The following HCN1 variants were observed in gnomAD, a reference collection of about 807,000 sequenced individuals.
The protein encoded by HCN1 is potassium/sodium hyperpolarization-activated cyclic nucleotide-gated channel 1.
HCN1 carries 13 observed loss-of-function variants against 78.9 expected under a neutral mutation model. That is an observed-to-expected ratio of 0.16 (90% confidence interval 0.11 to 0.26). The LOEUF (loss-of-function observed/expected upper bound fraction) is 0.26, where lower values mean the gene tolerates loss of function less well. HCN1 is among the 10% of genes least tolerant of loss of function. The pLI, the probability that HCN1 is intolerant of heterozygous loss-of-function variation, is 1.00. For missense variants in HCN1, 810 were observed against 1,154.3 expected, an observed-to-expected ratio of 0.70 and a Z score of 4.32; for synonymous variants, 552 against 455.5, an observed-to-expected ratio of 1.21 and a Z score of -2.70.
chr5:45,372,923 C>A (rs889875917), intron 4 of HCN1, among the ~76,000 whole-genome samples: 2 of 133,828 alleles, frequency 1.5e-5, no homozygotes, highest in Admixed American at 8.0e-5. Flanking sequence ...AAAATATACA[C>A]GTATTTTATA....
At chr5:45,651,560 A>T (rs928167567) in intron 1 of HCN1, among the ~76,000 whole-genome samples, 1 of 152,020 alleles carries the variant, frequency 6.6e-6, no homozygotes, top group Non-Finnish European at 1.5e-5. Flanking sequence ...AGTCCTCAAA[A>T]TCATGTCCCA....
At chr5:45,566,998 G>A (rs1743721024) in intron 2 of HCN1, among the ~76,000 whole-genome samples, 1 of 152,148 alleles carries the variant, frequency 6.6e-6, no homozygotes, top group Non-Finnish European at 1.5e-5. Context: ...CCTTCCAGAG[G>A]AATTGAGTTG....
At chr5:45,506,442 C>G (rs1004531948) in intron 2 of HCN1, among the ~76,000 whole-genome samples, 1 of 152,070 alleles carries the variant, frequency 6.6e-6, no homozygotes, top group Non-Finnish European at 1.5e-5. Context: ...GTTACCTCAT[C>G]AAAATATTAA....
At chr5:45,590,998 ATTT>A (rs768861091) in intron 2 of HCN1, among the ~76,000 whole-genome samples, 1 of 145,152 alleles carries the variant, frequency 6.9e-6, no homozygotes, top group African/African-American at 2.5e-5. Context: ...TGACTGGCTA[ATTT>A]TTTTTTTTTT....
intron 2 of HCN1, among the ~76,000 whole-genome samples, chr5:45,514,629 A>T (rs546707632): frequency 6.6e-6 from 1 of 152,156 alleles, no homozygotes; most frequent in African/African-American, 2.4e-5. Context: ...CTGCTTGTTG[A>T]TCTGACCACA....
chr5:45,616,553 G>A (rs534412475), intron 2 of HCN1, among the ~76,000 whole-genome samples: 6 of 151,922 alleles, frequency 3.9e-5, no homozygotes, highest in African/African-American at 9.6e-5. Flanking sequence ...TTTTCTCAGC[G>A]TTTAAAGAAC....
intron 5 of HCN1, among the ~76,000 whole-genome samples, chr5:45,341,953 GCT>G (rs1369920047): frequency 3.9e-5 from 6 of 151,904 alleles, no homozygotes; most frequent in African/African-American, 1.2e-4. Context: ...TCTCAATTTG[GCT>G]CTGTTTGACT....
chr5:45,669,988 G>C (rs1039035015), intron 1 of HCN1, among the ~76,000 whole-genome samples: 11 of 151,608 alleles, frequency 7.3e-5, no homozygotes, highest in Non-Finnish European at 1.6e-4. Flanking sequence ...GTGTAAAGTT[G>C]TTTCCTCCTT....
At chr5:45,278,129 C>A (rs1745100465) in intron 6 of HCN1, among the ~76,000 whole-genome samples, 1 of 152,032 alleles carries the variant, frequency 6.6e-6, no homozygotes, top group African/African-American at 2.4e-5. Context: ...CCCTGAGTGC[C>A]TGACTCATAC....
intron 2 of HCN1, among the ~76,000 whole-genome samples, chr5:45,593,081 A>G (rs1355706878): frequency 1.3e-5 from 2 of 152,182 alleles, no homozygotes; most frequent in African/African-American, 4.8e-5. Flanking sequence ...GAAATTACAA[A>G]TCCCTTCCTC....
At chr5:45,314,379 G>C (rs1181842269) in intron 5 of HCN1, among the ~76,000 whole-genome samples, 1 of 151,886 alleles carries the variant, frequency 6.6e-6, no homozygotes, top group East Asian at 2.0e-4. Flanking sequence ...ACATGGAAAG[G>C]AACGACCGGT....
intron 2 of HCN1, among the ~76,000 whole-genome samples, chr5:45,535,691 A>G (rs1308121050): frequency 2.0e-5 from 3 of 152,142 alleles, no homozygotes; most frequent in Non-Finnish European, 2.9e-5. Flanking sequence ...CTCAGTGTTC[A>G]TTGTTCTGCA....
chr5:45,369,268 G>T (rs910915901), intron 4 of HCN1, among the ~76,000 whole-genome samples: 3 of 152,004 alleles, frequency 2.0e-5, no homozygotes, highest in Non-Finnish European at 4.4e-5. Flanking sequence ...GAATTTGTAT[G>T]TGTATGATTG....
rs182035217 is a variant in HCN1 at position 45,402,429 on chromosome 5, G to A, written c.1012-5719C>T. Among the ~76,000 whole-genome samples, 49 of 152,212 alleles carry A rather than the reference G, an allele frequency of 3.2e-4. No individual in the cohort carries two copies. The East Asian group carries it at 8.9e-3, about 28-fold the overall frequency. ...GTGCTATTAATATCTAAAGGGTAGA[G>A]GCCAGTGATGCTGTTAAAAATTCTG... On this transcript the variant is annotated intron_variant, in intron 3 of 7. Coordinates refer to ENST00000303230, the MANE Select transcript of HCN1 (RefSeq NM_021072.4).
At chr5:45,559,419 A>G (rs1743549786) in intron 2 of HCN1, 1 of 152,214 alleles carries the variant, frequency 6.6e-6, no homozygotes, top group Non-Finnish European at 1.5e-5. Context: ...TGTCATTAAG[A>G]ACATCTGTGA....
intron 4 of HCN1, among the ~76,000 whole-genome samples, chr5:45,390,910 A>G (rs1289381253): frequency 1.3e-5 from 2 of 152,178 alleles, no homozygotes; most frequent in African/African-American, 4.8e-5. Context: ...CAATGGCTAC[A>G]TTAAGTTATT....
In HCN1 at chr5:45,255,779, G is replaced by A. The variant is rs527709691; in HGVS notation, c.*6142C>T. 6.6e-6 allele frequency: 1 copy of A among 152,192 alleles called. No homozygotes were observed. The highest frequency in any genetic ancestry group is 2.4e-5 in the African/African-American group (1 of 41,528). 9.4% of individuals were successfully genotyped at this position (152,192 alleles called of 1,614,324 possible). On this transcript the variant is annotated 3_prime_UTR_variant, in exon 8 of 8. Transcript: ENST00000303230. ...AAAGTAAATCTTTCCTTTCTCAGGA[G>A]TTTTCCTCACAAATTTAACAGGAAA...
intron 2 of HCN1, among the ~76,000 whole-genome samples, chr5:45,521,963 A>T (rs1162526606): frequency 1.3e-5 from 2 of 152,002 alleles, no homozygotes; most frequent in African/African-American, 4.8e-5. Context: ...CTAGAGTCTT[A>T]CTTGTTATAG....
chr5:45,619,792 T>A (rs1413882368), intron 2 of HCN1, among the ~76,000 whole-genome samples: 1 of 152,080 alleles, frequency 6.6e-6, no homozygotes, highest in Non-Finnish European at 1.5e-5. Context: ...TATTAATTAA[T>A]GTGGTGATTT....
Sources: gnomAD v4.1 joint callset for allele counts (sites outside exome capture counted in the v4.1 genomes callset) on GRCh38, gnomAD v4.1.1 for gene constraint, MANE v1.5 for transcripts, NCBI Gene and HGNC (gene_info 2026-07-23, HGNC 2026-07-21) for gene names.